The following KIAA0825 variants were observed in gnomAD, a reference collection of about 807,000 sequenced individuals.
KIAA0825 encodes uncharacterized protein KIAA0825.
Under a neutral mutation model 147.6 loss-of-function variants are expected in KIAA0825, and 119 were observed. That is an observed-to-expected ratio of 0.81 (90% CI 0.69 to 0.94). The LOEUF is 0.94. KIAA0825 is among the 40% of genes least tolerant of loss of function. KIAA0825 has a pLI of 0.00. For missense variants in KIAA0825, 1,381 were observed against 1,472.7 expected (o/e 0.94, Z 1.02); for synonymous variants, 470 against 518.1 (o/e 0.91, Z 1.26).
chr5:94,236,779 T>G (rs1476191720), intron 20 of KIAA0825, among the ~76,000 whole-genome samples: 1 of 152,232 alleles, frequency 6.6e-6, no homozygotes, highest in East Asian at 1.9e-4. Context: ...GACAAGACTC[T>G]ACACCAGCAA....
intron 17 of KIAA0825, among the ~76,000 whole-genome samples, chr5:94,394,952 T>C (rs1750439621): frequency 6.6e-6 from 1 of 152,216 alleles, no homozygotes. Flanking sequence ...TTTGGATTAA[T>C]ATGAAGTCTT....
At chr5:94,187,457 C>T (rs542586955) in intron 20 of KIAA0825, among the ~76,000 whole-genome samples, 48 of 133,348 alleles carry the variant, frequency 3.6e-4, no homozygotes, top group African/African-American at 1.3e-3. Flanking sequence ...GATGGAGTCT[C>T]ACTCTGTCGC....
At chr5:94,154,836 A>G (rs1457260099) in intron 20 of KIAA0825, among the ~76,000 whole-genome samples, 1 of 152,164 alleles carries the variant, frequency 6.6e-6, no homozygotes, top group Non-Finnish European at 1.5e-5. Context: ...CTTCCTTCCT[A>G]TCCACTCTCT....
chr5:94,413,544 A>T (rs1207221536), intron 15 of KIAA0825: 4 of 152,226 alleles, frequency 2.6e-5, no homozygotes, highest in Admixed American at 6.5e-5. Flanking sequence ...AAAAGAATAT[A>T]TAGATTTCTA....
At chr5:94,489,487 A>G (rs1458911789) in intron 5 of KIAA0825, among the ~76,000 whole-genome samples, 1 of 151,992 alleles carries the variant, frequency 6.6e-6, no homozygotes, top group Non-Finnish European at 1.5e-5. Flanking sequence ...TGGGTTAAAA[A>G]TCACTCTCTA....
rs997555286 is a variant in KIAA0825 at position 94,299,817 on chromosome 5, C to G, written c.3710+84551G>C. ...GCATTCATGAGTTCCTTAGCTAGAG[C>G]CAATAACTATTTCAGTTTGTCTAGG... is the stretch of plus-strand genomic sequence containing the variant. On this transcript the variant is annotated intron_variant, in intron 20 of 20. Coordinates refer to ENST00000682413, the MANE Select transcript of KIAA0825 (RefSeq NM_001145678.3). Among the ~76,000 whole-genome samples, 78 of 152,012 alleles carry G rather than the reference C, an allele frequency of 5.1e-4. 2 individuals are homozygous for G. The highest frequency in any genetic ancestry group is 4.4e-5 in the Non-Finnish European group (3 of 67,988).
At chr5:94,370,128 G>A (rs1584282374) in intron 20 of KIAA0825, among the ~76,000 whole-genome samples, 1 of 151,850 alleles carries the variant, frequency 6.6e-6, no homozygotes, top group African/African-American at 2.4e-5. Flanking sequence ...AAAAACTGTG[G>A]TACAACCATA....
At chr5:94,314,122 G>C (rs1046998896) in intron 20 of KIAA0825, among the ~76,000 whole-genome samples, 4 of 151,526 alleles carry the variant, frequency 2.6e-5, no homozygotes, top group Admixed American at 1.3e-4. Flanking sequence ...AAAAAAGAAG[G>C]ATCTATTAAA....
intron 2 of KIAA0825, among the ~76,000 whole-genome samples, chr5:94,553,750 G>C (rs994242605): frequency 1.3e-4 from 18 of 143,130 alleles, no homozygotes; most frequent in African/African-American, 3.9e-4. Context: ...TGAGCAACAA[G>C]AAGGAGACTG....
intron 1 of KIAA0825, among the ~76,000 whole-genome samples, chr5:94,586,413 T>A (rs1282977950): frequency 6.6e-6 from 1 of 152,148 alleles, no homozygotes; most frequent in Non-Finnish European, 1.5e-5. Context: ...TATAAACACC[T>A]CTATGCAAAT....
chr5:94,548,453 G>A (rs969485789), intron 2 of KIAA0825, among the ~76,000 whole-genome samples: 3 of 151,960 alleles, frequency 2.0e-5, no homozygotes, highest in Non-Finnish European at 2.9e-5. Flanking sequence ...TCAGATCCCC[G>A]TAGAAAATCA....
At chr5:94,370,947 T>G (rs1584285894) in intron 20 of KIAA0825, among the ~76,000 whole-genome samples, 1 of 151,650 alleles carries the variant, frequency 6.6e-6, no homozygotes, top group East Asian at 1.9e-4. Context: ...CAAAAAAACG[T>G]AGTGTCATAG....
intron 2 of KIAA0825, among the ~76,000 whole-genome samples, chr5:94,552,626 T>C (rs1775751215): frequency 6.6e-6 from 1 of 152,132 alleles, no homozygotes; most frequent in South Asian, 2.1e-4. Flanking sequence ...TACAAATACA[T>C]AGAAAAGAAA....
At chr5:94,422,945 G>A (rs1354795388) in intron 14 of KIAA0825, among the ~76,000 whole-genome samples, 1 of 152,072 alleles carries the variant, frequency 6.6e-6, no homozygotes, top group Non-Finnish European at 1.5e-5. Flanking sequence ...TCATTTTCCC[G>A]GCACTAACAA....
intron 20 of KIAA0825, among the ~76,000 whole-genome samples, chr5:94,304,727 A>C (rs1421684437): frequency 1.3e-5 from 2 of 152,080 alleles, no homozygotes; most frequent in East Asian, 3.9e-4. Flanking sequence ...AAATAAGTAT[A>C]TTTGAATACT....
Position 94,464,874 on chromosome 5 carries a change from C to T in KIAA0825, c.2058G>A (p.Gln686=), listed in dbSNP as rs1307507453. Residue 686 remains glutamine (Q), a synonymous_variant, in exon 11 of 21, where the codon CAG becomes CAA. Transcript: ENST00000682413. Reference sequence around the variant, plus strand: ...TTTTTCAGAACTTCAATTACCTTAACTGTGGAGTTCTTTTACGGCTGGGGT... The same window carrying T: ...TTTTTCAGAACTTCAATTACCTTAATTGTGGAGTTCTTTTACGGCTGGGGT... ...RAHPSRKRTP[Q]LRLDVTTILI... 3.2e-6 allele frequency: 5 copies of T among 1,550,126 alleles called. No individual in the cohort carries two copies. The highest frequency in any genetic ancestry group is 4.4e-6 in the Non-Finnish European group (5 of 1,146,390).
At chr5:94,593,050 C>T (rs77250791) in intron 1 of KIAA0825, 8,572 of 686,384 alleles carry the variant, frequency 0.012, 92 homozygotes, top group Non-Finnish European at 0.018. Context: ...TGTCAGAGAC[C>T]ATTCTCAATT....
intron 8 of KIAA0825, 78 bp downstream of exon 8, chr5:94,473,214 G>A (rs1033775197): frequency 1.5e-5 from 17 of 1,108,344 alleles, no homozygotes; most frequent in African/African-American, 3.1e-5. Flanking sequence ...TTGATCTACA[G>A]GTCCTTTTTG....
intron 20 of KIAA0825, among the ~76,000 whole-genome samples, chr5:94,370,245 G>A (rs1220970918): frequency 6.6e-6 from 1 of 152,176 alleles, no homozygotes; most frequent in East Asian, 1.9e-4. Context: ...GATAGAGAAC[G>A]GGTCAGTGGT....
Sources: gnomAD v4.1 joint callset for allele counts (sites outside exome capture counted in the v4.1 genomes callset) on GRCh38, gnomAD v4.1.1 for gene constraint, MANE v1.5 for transcripts, NCBI Gene and HGNC (gene_info 2026-07-23, HGNC 2026-07-21) for gene names.